Variants in MAN1A2 observed in about 807,000 individuals in gnomAD.
MAN1A2 encodes the protein mannosyl-oligosaccharide 1,2-alpha-mannosidase IB.
In MAN1A2, 26 loss-of-function variants were observed where a neutral mutation model predicts 75.7. The observed-to-expected ratio is 0.34, with a 90% confidence interval of 0.25 to 0.48. The LOEUF (loss-of-function observed/expected upper bound fraction) is 0.48. Ranked by LOEUF, MAN1A2 falls within the 20% of genes least tolerant of loss-of-function variation. The probability of loss-of-function intolerance (pLI) is 0.99; values close to 1 mark genes in which losing one functional copy is unlikely to be tolerated. For synonymous variants in MAN1A2, 247 were observed against 264.6 expected (o/e 0.93, Z 0.65); for missense variants, 562 against 775.5 (o/e 0.72, Z 3.27).
chr1:117,403,828 A>G (rs1053699532), intron 2 of MAN1A2, among the ~76,000 whole-genome samples: 3 of 152,118 alleles, frequency 2.0e-5, no homozygotes, highest in African/African-American at 7.2e-5. Context: ...GCGAGAATGG[A>G]CATACTAGGT....
chr1:117,389,815 C>A (rs1421226574), intron 1 of MAN1A2, among the ~76,000 whole-genome samples: 1 of 150,314 alleles, frequency 6.7e-6, no homozygotes, highest in Non-Finnish European at 1.5e-5. Context: ...AGTCTTTCAC[C>A]CTTGAGTATG....
In MAN1A2 at chr1:117,411,426, A is replaced by T. The variant is rs570820150; in HGVS notation, c.656-3287A>T. ...CCTCTTCCTTCAACATTGTATAGAA[A>T]AATGGATCACAGAGCTAAATATAAA... is the stretch of plus-strand genomic sequence containing the variant. On this transcript the variant is annotated intron_variant, in intron 3 of 12. Coordinates refer to ENST00000356554, the MANE Select transcript of MAN1A2 (RefSeq NM_006699.5). Among the ~76,000 whole-genome samples, 108 of 151,948 alleles carry T rather than the reference A, an allele frequency of 7.1e-4. 1 individual carries two copies. Among genetic ancestry groups the T allele is most frequent in the African/African-American group, 2.6e-3 (107 of 41,546 alleles).
chr1:117,420,537 A>G (rs1408040336), intron 4 of MAN1A2, 32 bp from the exon 5 acceptor site: 2 of 1,454,872 alleles, frequency 1.4e-6, no homozygotes, highest in African/African-American at 1.4e-5. Flanking sequence ...AGCATTACGT[A>G]TTTGTGAATG....
At chr1:117,427,181 T>C (rs1648403287) in intron 5 of MAN1A2, among the ~76,000 whole-genome samples, 1 of 151,826 alleles carries the variant, frequency 6.6e-6, no homozygotes, top group African/African-American at 2.4e-5. Context: ...CAAAAGTCAA[T>C]CAATGGTGAC....
chr1:117,464,380 G>C (rs1209583085), intron 7 of MAN1A2, among the ~76,000 whole-genome samples: 1 of 138,516 alleles, frequency 7.2e-6, no homozygotes, highest in African/African-American at 2.7e-5. Flanking sequence ...ACAGAACACT[G>C]CAAATTCCAT....
At chr1:117,520,802 C>T (rs1306045801) in intron 12 of MAN1A2, among the ~76,000 whole-genome samples, 5 of 151,644 alleles carry the variant, frequency 3.3e-5, no homozygotes, top group South Asian at 2.1e-4. Context: ...CATTCTTCAC[C>T]GAACTAGAAA....
Position 117,416,654 on chromosome 1 carries a change from G to A in MAN1A2, c.774+1823G>A, listed in dbSNP as rs146410468. ...GGGGAACCAAAAAGGCAAAAAGAGA[G>A]CATTGTGATATCACCAGAAGTATTA... On this transcript the variant is annotated intron_variant, in intron 4 of 12. Transcript: ENST00000356554. Among the ~76,000 whole-genome samples, 52 of 152,256 alleles carry A rather than the reference G, an allele frequency of 3.4e-4. No homozygotes were observed. The East Asian group carries it at 9.6e-3, about 28-fold the overall frequency.
At chr1:117,408,307 A>G (rs1038841718) in intron 3 of MAN1A2, among the ~76,000 whole-genome samples, 3 of 149,880 alleles carry the variant, frequency 2.0e-5, no homozygotes, top group African/African-American at 7.6e-5. Context: ...TCTCTTAAAA[A>G]AAAAAAAAAA....
chr1:117,395,496 T>G (rs139651596), intron 1 of MAN1A2, among the ~76,000 whole-genome samples: 13 of 152,224 alleles, frequency 8.5e-5, no homozygotes, highest in Non-Finnish European at 1.3e-4. Flanking sequence ...CATTGCCTTG[T>G]ACATCTAAGC....
rs758058903 is a variant in MAN1A2, at chr1:117,460,464, CCTTTTA to C, written c.951-19_951-14del. The C allele has an allele frequency of 4.2e-5, 66 of 1,581,316 alleles. No individual in the cohort carries two copies. In the South Asian group the frequency reaches 7.2e-4, roughly 17 times the overall value. On this transcript the variant is annotated intron_variant, in intron 6 of 12. Coordinates refer to ENST00000356554, the MANE Select transcript of MAN1A2 (RefSeq NM_006699.5). ...TTGGTCTTTTCCCAATCCTGTGTCT[CCTTTTA>C]CTTTTCCTTTTCATTCAGTGGAGTA...
intron 6 of MAN1A2, among the ~76,000 whole-genome samples, chr1:117,446,703 T>C (rs1057466342): frequency 6.6e-6 from 1 of 151,406 alleles, no homozygotes; most frequent in African/African-American, 2.5e-5. Flanking sequence ...CCGCATATGG[T>C]CTTTCTTGGT....
intron 8 of MAN1A2, among the ~76,000 whole-genome samples, chr1:117,471,585 T>G (rs1283083297): frequency 1.3e-5 from 2 of 151,964 alleles, no homozygotes; most frequent in Non-Finnish European, 2.9e-5. Context: ...TCCTTAGTGG[T>G]ATCCTTTTGC....
chr1:117,521,963 T>C (rs1651882244), intron 12 of MAN1A2, among the ~76,000 whole-genome samples: 1 of 151,886 alleles, frequency 6.6e-6, no homozygotes, highest in African/African-American at 2.4e-5. Context: ...TTCTCACTGA[T>C]ATGTGGGAGC....
chr1:117,392,925 C>G (rs3767791), intron 1 of MAN1A2, among the ~76,000 whole-genome samples: 39,333 of 152,084 alleles, frequency 0.26, 5,741 homozygotes, highest in East Asian at 0.48. Context: ...AGTGCTTAGC[C>G]TTAAATCTTT....
chr1:117,414,410 C>G (rs926273535), intron 3 of MAN1A2, among the ~76,000 whole-genome samples: 1 of 151,150 alleles, frequency 6.6e-6, no homozygotes, highest in Non-Finnish European at 1.5e-5. Flanking sequence ...TCTGACGAGG[C>G]AGAAAATTAA....
intron 6 of MAN1A2, among the ~76,000 whole-genome samples, chr1:117,449,356 C>T (rs918147622): frequency 2.0e-5 from 3 of 151,882 alleles, no homozygotes; most frequent in Non-Finnish European, 4.4e-5. Flanking sequence ...CCTAGGAGTT[C>T]GAGACCAGCC....
chr1:117,425,325 G>GAA (rs1648329711), intron 5 of MAN1A2, among the ~76,000 whole-genome samples: 1 of 152,226 alleles, frequency 6.6e-6, no homozygotes, highest in African/African-American at 2.4e-5. Flanking sequence ...AGAAAAAAAA[G>GAA]AAGAGTAATT....
At chr1:117,395,968 G>C (rs1273970722) in intron 1 of MAN1A2, among the ~76,000 whole-genome samples, 3 of 152,244 alleles carry the variant, frequency 2.0e-5, no homozygotes, top group Non-Finnish European at 4.4e-5. Flanking sequence ...TGATCTGCCA[G>C]TGTCCTTTTC....
At chr1:117,505,632 C>G (rs1651335338) in intron 12 of MAN1A2, among the ~76,000 whole-genome samples, 1 of 151,248 alleles carries the variant, frequency 6.6e-6, no homozygotes, top group African/African-American at 2.4e-5. Flanking sequence ...TTGAGCAGTA[C>G]ATTCAGCATT....
Sources: allele counts gnomAD v4.1 joint callset (sites outside exome capture counted in the v4.1 genomes callset), GRCh38; gene constraint gnomAD v4.1.1; transcripts MANE v1.5; gene names NCBI Gene and HGNC (gene_info 2026-07-23, HGNC 2026-07-21).